LCOR: variants seen among roughly 807,000 people sequenced by gnomAD.
LCOR encodes the protein ligand dependent nuclear receptor corepressor.
LCOR carries 14 observed loss-of-function variants against 64.4 expected under a neutral mutation model. The ratio of observed to expected loss-of-function variants is 0.22; its 90% CI spans 0.14 to 0.34. The LOEUF (loss-of-function observed/expected upper bound fraction) is 0.34, where lower values mean the gene tolerates loss of function less well. Among genes scored for constraint, LCOR ranks in the 10% least tolerant of loss-of-function variants. The pLI is 1.00. For missense variants in LCOR, 1,686 were observed against 1,765.3 expected, an observed-to-expected ratio of 0.96 and a Z score of 0.80; for synonymous variants, 643 against 642.5, an observed-to-expected ratio of 1.00 and a Z score of -0.01.
chr10:96,912,615 C>CCTTT (rs1491423141), intron 4 of LCOR, among the ~76,000 whole-genome samples: 30 of 136,804 alleles, frequency 2.2e-4, no homozygotes, highest in Non-Finnish European at 4.2e-4. Flanking sequence ...TTTCTTCCTT[C>CCTTT]CTTCCTTCCT....
chr10:96,943,479 G>T (rs1378042562), intron 4 of LCOR, among the ~76,000 whole-genome samples: 1 of 152,220 alleles, frequency 6.6e-6, no homozygotes, highest in Non-Finnish European at 1.5e-5. Flanking sequence ...CTTAGAACAT[G>T]CAGTGCATTC....
intron 2 of LCOR, among the ~76,000 whole-genome samples, chr10:96,871,869 A>G (rs1846077902): frequency 1.3e-5 from 2 of 152,210 alleles, no homozygotes; most frequent in South Asian, 4.1e-4. Context: ...ATATCTTACA[A>G]AACAACAACA....
intron 2 of LCOR, among the ~76,000 whole-genome samples, chr10:96,857,104 A>G (rs924923772): frequency 1.3e-5 from 2 of 152,094 alleles, no homozygotes; most frequent in African/African-American, 2.4e-5. Context: ...ATATGTGTGT[A>G]TATAGTACAT....
chr10:96,843,975 G>A (rs534451408), intron 2 of LCOR, among the ~76,000 whole-genome samples: 2 of 152,250 alleles, frequency 1.3e-5, no homozygotes, highest in African/African-American at 4.8e-5. Context: ...TGTTTTACAG[G>A]CGGGGAAACA....
At chr10:96,877,178 ACAAT>A (rs1217567928) in intron 2 of LCOR, among the ~76,000 whole-genome samples, 2 of 152,162 alleles carry the variant, frequency 1.3e-5, no homozygotes, top group Admixed American at 6.5e-5. Context: ...AAAAATGGCT[ACAAT>A]GGATTTAACT....
intron 4 of LCOR, among the ~76,000 whole-genome samples, chr10:96,916,124 C>T (rs886844061): frequency 1.3e-5 from 2 of 152,056 alleles, no homozygotes; most frequent in African/African-American, 2.4e-5. Context: ...CTCCGCCTCC[C>T]GGGTTCACCC....
intron 4 of LCOR, among the ~76,000 whole-genome samples, chr10:96,931,550 A>G (rs1847261406): frequency 1.3e-5 from 2 of 152,236 alleles, no homozygotes; most frequent in South Asian, 2.1e-4. Flanking sequence ...GGTAGTTTCT[A>G]TAGCTCTTTT....
chr10:96,942,666 A>G (rs1847514824), intron 4 of LCOR, among the ~76,000 whole-genome samples: 1 of 152,196 alleles, frequency 6.6e-6, no homozygotes, highest in East Asian at 1.9e-4. Context: ...TTGTGCTTTT[A>G]ACATAAATCT....
chr10:96,852,282 T>C (rs558794643), intron 2 of LCOR, among the ~76,000 whole-genome samples: 1 of 152,002 alleles, frequency 6.6e-6, no homozygotes, highest in East Asian at 1.9e-4. Context: ...ATTAGCCCAG[T>C]CTGGTGGCGC....
chr10:96,937,183 A>G (rs997930460), intron 4 of LCOR, among the ~76,000 whole-genome samples: 1 of 152,216 alleles, frequency 6.6e-6, no homozygotes, highest in Non-Finnish European at 1.5e-5. Flanking sequence ...AGGACCATGT[A>G]AAGATGGAGA....
intron 2 of LCOR, among the ~76,000 whole-genome samples, chr10:96,878,217 T>C (rs1007486809): frequency 6.6e-6 from 1 of 151,880 alleles, no homozygotes; most frequent in Non-Finnish European, 1.5e-5. Context: ...AGCAGGAGAG[T>C]TGACAGGATG....
intron 7 of LCOR, chr10:96,962,617 A>G (rs1183221539): frequency 1.3e-5 from 2 of 152,190 alleles, no homozygotes; most frequent in Admixed American, 6.5e-5. Context: ...AAAATTAGTT[A>G]CATTCTGATC....
intron 4 of LCOR, among the ~76,000 whole-genome samples, chr10:96,919,068 A>G (rs1847004234): frequency 2.0e-5 from 3 of 152,214 alleles, no homozygotes; most frequent in Non-Finnish European, 4.4e-5. Flanking sequence ...TTGTCAGTGT[A>G]AAAACCATGA....
chr10:96,922,433 C>G (rs1167863875), intron 4 of LCOR, among the ~76,000 whole-genome samples: 1 of 152,062 alleles, frequency 6.6e-6, no homozygotes, highest in African/African-American at 2.4e-5. Context: ...GTAGAAAGTC[C>G]TATAGGAATT....
At chr10:96,964,475 A>G (rs1847928466) in intron 7 of LCOR, 4 of 152,140 alleles carry the variant, frequency 2.6e-5, no homozygotes, top group African/African-American at 9.7e-5. Flanking sequence ...TAAGATTTTA[A>G]TGCTTTTTGA....
chr10:96,973,385 G>C (rs1477383143), intron 7 of LCOR, among the ~76,000 whole-genome samples: 1 of 152,126 alleles, frequency 6.6e-6, no homozygotes, highest in Non-Finnish European at 1.5e-5. Flanking sequence ...CATAACCTTG[G>C]AATATCCTTA....
chr10:96,851,043 T>C (rs1457288380), intron 2 of LCOR, among the ~76,000 whole-genome samples: 2 of 152,242 alleles, frequency 1.3e-5, no homozygotes, highest in Admixed American at 1.3e-4. Context: ...CAAAAGCTTG[T>C]ATCTTTGCTG....
At chr10:96,834,952 G>C (rs751749162) in intron 2 of LCOR, among the ~76,000 whole-genome samples, 1 of 152,166 alleles carries the variant, frequency 6.6e-6, no homozygotes, top group Non-Finnish European at 1.5e-5. Flanking sequence ...CCGGGCTGGA[G>C]TGCAGTGGCG....
At chr10:96,842,042 A>G (rs1355181756) in intron 2 of LCOR, among the ~76,000 whole-genome samples, 5 of 151,956 alleles carry the variant, frequency 3.3e-5, no homozygotes, top group African/African-American at 1.2e-4. Context: ...TTAGTACGTG[A>G]TTTTTTAGAG....
Sources: allele counts gnomAD v4.1 joint callset (sites outside exome capture counted in the v4.1 genomes callset), GRCh38; gene constraint gnomAD v4.1.1; transcripts MANE v1.5; gene names NCBI Gene and HGNC (gene_info 2026-07-23, HGNC 2026-07-21).